Variants in PODXL observed in about 807,000 individuals in gnomAD.
PODXL encodes podocalyxin.
In PODXL, 20 loss-of-function variants were observed where a neutral mutation model predicts 48.9. The ratio of observed to expected loss-of-function variants is 0.41; its 90% confidence interval spans 0.29 to 0.59. PODXL has a LOEUF of 0.59. Ranked by LOEUF, PODXL falls within the 20% of genes least tolerant of loss-of-function variation. The pLI, the probability that PODXL is intolerant of heterozygous loss-of-function variation, is 0.31. For synonymous variants in PODXL, 295 were observed against 287.4 expected (o/e 1.03, Z -0.27); for missense variants, 606 against 675.1 (o/e 0.90, Z 1.13).
At chr7:131,538,785 T>A (rs1215854750) in intron 1 of PODXL, among the ~76,000 whole-genome samples, 1 of 152,040 alleles carries the variant, frequency 6.6e-6, no homozygotes, top group East Asian at 1.9e-4. Flanking sequence ...AAGAGAGGCG[T>A]CCCCATGCCG....
At chr7:131,530,385 C>G (rs930625683) in intron 1 of PODXL, among the ~76,000 whole-genome samples, 5 of 152,222 alleles carry the variant, frequency 3.3e-5, no homozygotes, top group African/African-American at 9.6e-5. Context: ...CACTCCCCAG[C>G]CTTCCTTGTG....
chr7:131,546,340 A>C (rs1798575186), intron 1 of PODXL, among the ~76,000 whole-genome samples: 1 of 152,174 alleles, frequency 6.6e-6, no homozygotes, highest in East Asian at 1.9e-4. Context: ...ATCCAGGTAG[A>C]AAGAGAGCCA....
In PODXL at chr7:131,504,174, G is replaced by C; in HGVS notation, c.*137C>G. On this transcript the variant is annotated 3_prime_UTR_variant, in exon 9 of 9. Transcript: ENST00000378555. The stretch of plus-strand genomic sequence containing the variant: ...TTCAGGTTGAAAAGGGAAAAATTAA[G>C]GCCCTGGGGGGATTGGGAGGGGACA... The C allele has an allele frequency of 1.5e-6, 1 of 657,206 alleles. No homozygotes were observed. Among genetic ancestry groups the C allele is most frequent in the Non-Finnish European group, 2.6e-6 (1 of 382,402 alleles). The allele number at this position is 657,206 out of a possible 1,614,324, so 40.7% of individuals were successfully genotyped here. A position where few individuals can be genotyped will look rare whatever the true frequency, so the allele number is the denominator to read the frequency against.
chr7:131,508,629 G>A (rs986251489), intron 5 of PODXL, among the ~76,000 whole-genome samples: 5 of 148,454 alleles, frequency 3.4e-5, no homozygotes, highest in African/African-American at 1.2e-4. Context: ...CCAGAGCTAG[G>A]GGCAAACAGG....
At chr7:131,529,724 C>T (rs1424329325) in intron 1 of PODXL, among the ~76,000 whole-genome samples, 1 of 152,058 alleles carries the variant, frequency 6.6e-6, no homozygotes, top group East Asian at 1.9e-4. Flanking sequence ...TCTGAACCTT[C>T]TCATCCTGCC....
At chr7:131,546,061 T>C (rs550390204) in intron 1 of PODXL, among the ~76,000 whole-genome samples, 55 of 152,330 alleles carry the variant, frequency 3.6e-4, no homozygotes, top group Non-Finnish European at 7.1e-4. Context: ...CTCTAGTTGT[T>C]GGACTGTAGC....
intron 1 of PODXL, among the ~76,000 whole-genome samples, chr7:131,523,454 G>A (rs548824613): frequency 2.1e-3 from 313 of 151,924 alleles, no homozygotes; most frequent in Non-Finnish European, 2.9e-3. Flanking sequence ...AGGGTGAGGC[G>A]GGCAGATCAC....
chr7:131,523,530 A>G (rs1798122051), intron 1 of PODXL, among the ~76,000 whole-genome samples: 1 of 151,630 alleles, frequency 6.6e-6, no homozygotes, highest in African/African-American at 2.4e-5. Context: ...AAAATACAAA[A>G]AATTAGCCGG....
At chr7:131,535,101 G>A (rs1798353509) in intron 1 of PODXL, among the ~76,000 whole-genome samples, 1 of 152,134 alleles carries the variant, frequency 6.6e-6, no homozygotes, top group Admixed American at 6.6e-5. Context: ...TCAACGGAGG[G>A]CCAGGGTATC....
chr7:131,509,260 C>A, intron 4 of PODXL, 105 bp downstream of exon 4: 1 of 993,230 alleles, frequency 1.0e-6, no homozygotes, highest in Non-Finnish European at 1.6e-6. Flanking sequence ...GCTCAAAGCC[C>A]CAGCCAGGGG....
At position 131,511,180 on chromosome 7, in the gene PODXL, G is replaced by C. The variant is rs748668194; in HGVS notation, c.354C>G (p.Thr118=). The C allele has an allele frequency of 1.9e-6, 3 of 1,614,018 alleles. No homozygotes were observed. The highest frequency in any genetic ancestry group is 2.5e-6 in the Non-Finnish European group (3 of 1,179,994). ...ARGGGSGNPT[T]TIESPKSTKS... ...TTGTGCTCTTGGGGCTCTCGATGGT[G>C]GTAGTAGGGTTGCCTGAGCCGCCTC... is the stretch of plus-strand genomic sequence containing the variant. Residue 118 remains threonine (T), a synonymous_variant, in exon 2 of 9, where the codon ACC becomes ACG. Transcript: ENST00000378555.
chr7:131,556,141 C>T, intron 1 of PODXL, 119 bp downstream of exon 1: 2 of 1,269,780 alleles, frequency 1.6e-6, no homozygotes, highest in Non-Finnish European at 2.0e-6. Context: ...GTGACCCCGG[C>T]GGTGATAGGG....
At chr7:131,536,786 C>T (rs1798381428) in intron 1 of PODXL, among the ~76,000 whole-genome samples, 1 of 152,176 alleles carries the variant, frequency 6.6e-6, no homozygotes, top group Admixed American at 6.5e-5. Flanking sequence ...GCCCCTTTCC[C>T]TATCATTTTA....
At chr7:131,537,603 A>T in intron 1 of PODXL, among the ~76,000 whole-genome samples, 1 of 65,972 alleles carries the variant, frequency 1.5e-5, no homozygotes, top group African/African-American at 5.6e-5. Context: ...ACCCCACCCC[A>T]CCCCCCCAAA....
chr7:131,529,259 C>T (rs183264567), intron 1 of PODXL, among the ~76,000 whole-genome samples: 66 of 152,184 alleles, frequency 4.3e-4, no homozygotes, highest in African/African-American at 1.5e-3. Flanking sequence ...AATGACATGA[C>T]ATTCCTGCTG....
At position 131,503,980 on chromosome 7, in the gene PODXL, T is replaced by A. The variant is rs1562900942; in HGVS notation, c.*331A>T. On this transcript the variant is annotated 3_prime_UTR_variant, in exon 9 of 9. Coordinates refer to ENST00000378555, the MANE Select transcript of PODXL (RefSeq NM_001018111.3). ...GTGGCTCTGACCTTGGGCAAGTCAC[T>A]TACCCTCTTCAGGTCTCGGCAATCT... The A allele has an allele frequency of 2.8e-6, 1 of 362,636 alleles. No homozygotes were observed. The highest frequency in any genetic ancestry group is 5.2e-6 in the Non-Finnish European group (1 of 193,982). The allele number at this position is 362,636 out of a possible 1,614,324, so 22.5% of individuals were successfully genotyped here.
intron 1 of PODXL, among the ~76,000 whole-genome samples, chr7:131,539,497 A>G (rs577427291): frequency 3.4e-4 from 51 of 152,004 alleles, no homozygotes; most frequent in Non-Finnish European, 6.0e-4. Context: ...CGCTCAGCTC[A>G]TTTTTGTATT....
chr7:131,528,205 G>A lies in PODXL; in HGVS notation c.101-16772C>T, dbSNP rs117438660. Among the ~76,000 whole-genome samples the A allele has an allele frequency of 7.1e-3, 1,082 of 152,218 alleles. 6 individuals are homozygous for A. Among genetic ancestry groups the A allele is most frequent in the Admixed American group, 0.013 (199 of 15,274 alleles). On this transcript the variant is annotated intron_variant, in intron 1 of 8. Transcript: ENST00000378555. ...GCCACCGCACCCAGCTAACACTTCC[G>A]TCTTTGAAACAGGAGGGAAGAAAAT...
intron 1 of PODXL, among the ~76,000 whole-genome samples, chr7:131,530,944 G>A (rs1798270146): frequency 6.6e-6 from 1 of 152,044 alleles, no homozygotes; most frequent in Non-Finnish European, 1.5e-5. Context: ...TCTAATCCCA[G>A]CTACTCGGGA....
Sources: gnomAD v4.1 joint callset for allele counts (sites outside exome capture counted in the v4.1 genomes callset) on GRCh38, gnomAD v4.1.1 for gene constraint, MANE v1.5 for transcripts, NCBI Gene and HGNC (gene_info 2026-07-23, HGNC 2026-07-21) for gene names.